ZNF621: variants seen among roughly 807,000 people sequenced by gnomAD.
ZNF621 encodes zinc finger protein 621.
In ZNF621, 6 loss-of-function variants were observed where a neutral mutation model predicts 12.7. That is an observed-to-expected ratio of 0.47 (90% CI 0.26 to 0.93). ZNF621 has a LOEUF of 0.93. Among genes scored for constraint, ZNF621 ranks in the 40% least tolerant of loss-of-function variants. ZNF621 has a pLI of 0.15. For synonymous variants in ZNF621, 156 were observed against 190.3 expected, an observed-to-expected ratio of 0.82 and a Z score of 1.48; for missense variants, 474 against 524.0, an observed-to-expected ratio of 0.90 and a Z score of 0.93.
chr3:40,528,108 C>G lies in ZNF621; in HGVS notation c.25-1211C>G, dbSNP rs541589087. On this transcript the variant is annotated intron_variant, in intron 2 of 4. Transcript: ENST00000339296. ...TTATATAAGCAGAATAGTTTCACTG[C>G]CCTAAAAATACCTTATGCTCCTCTT... Among the ~76,000 whole-genome samples, 274 of 152,302 alleles carry G rather than the reference C, an allele frequency of 1.8e-3. 1 individual carries two copies. Among genetic ancestry groups the G allele is most frequent in the African/African-American group, 6.4e-3 (264 of 41,550 alleles).
At chr3:40,531,271 A>T (rs10222477) in intron 4 of ZNF621, among the ~76,000 whole-genome samples, 12,266 of 152,236 alleles carry the variant, frequency 0.081, 582 homozygotes, top group East Asian at 0.22. Context: ...TCAGTCTGCA[A>T]GACCTCTTGT....
chr3:40,532,520 C>T lies in ZNF621; in HGVS notation c.750C>T (p.Tyr250=), dbSNP rs779293063. ...CGKAFRRSAA[Y]LQHQRLHTGE... ...AGGCTTTCCGTAGGAGTGCGGCATA[C>T]CTGCAGCATCAGAGATTACACACGG... The change falls in exon 5 of 5, where the codon TAC becomes TAT. Residue 250 remains tyrosine, a synonymous_variant. Transcript: ENST00000339296. 1 of 1,614,070 alleles carries T rather than the reference C, an allele frequency of 6.2e-7. No homozygotes were observed. The highest frequency in any genetic ancestry group is 1.1e-5 in the South Asian group (1 of 91,076).
At chr3:40,526,913 T>C (rs970910058) in intron 2 of ZNF621, among the ~76,000 whole-genome samples, 1 of 152,222 alleles carries the variant, frequency 6.6e-6, no homozygotes, top group Non-Finnish European at 1.5e-5. Flanking sequence ...TTGAGTGCAA[T>C]GGCGCTATCT....
At position 40,534,627 on chromosome 3, in the gene ZNF621, AT is replaced by A. The variant is rs1158718165; in HGVS notation, c.*1541del. On this transcript the variant is annotated 3_prime_UTR_variant, in exon 5 of 5. Transcript: ENST00000339296. ...AGTTTTCTCTCTTGCACAAATTCTGATTTTGGCTATCTGTGGTGATGGCCAG... is the reference window on the plus strand; with the variant it reads ...AGTTTTCTCTCTTGCACAAATTCTGATTTGGCTATCTGTGGTGATGGCCAG... The A allele has an allele frequency of 1.3e-5, 2 of 152,102 alleles. No individual in the cohort carries two copies. Among genetic ancestry groups the A allele is most frequent in the East Asian group, 3.9e-4 (2 of 5,188 alleles). 9.4% of individuals were successfully genotyped at this position (152,102 alleles called of 1,614,324 possible). A position where few individuals can be genotyped will look rare whatever the true frequency, so the allele number is the denominator to read the frequency against.
At chr3:40,527,260 G>T (rs112633718) in intron 2 of ZNF621, among the ~76,000 whole-genome samples, 1 of 151,732 alleles carries the variant, frequency 6.6e-6, no homozygotes, top group Non-Finnish European at 1.5e-5. Flanking sequence ...CAGGTGATCC[G>T]CCTGCCTCAG....
In ZNF621 at chr3:40,533,042, T is replaced by C. The variant is rs1374425885; in HGVS notation, c.1272T>C (p.Thr424=). Residue 424 remains threonine, a synonymous_variant, in exon 5 of 5, where the codon ACT becomes ACC. Transcript: ENST00000339296. ...IVRVFQGLTP[T]VKPSPVILTP... ...GTGTCTTCCAGGGTCTTACTCCCAC[T>C]GTGAAACCTTCCCCAGTTATTCTCA... The C allele has an allele frequency of 1.9e-6, 3 of 1,551,786 alleles. No individual in the cohort carries two copies. The highest frequency in any genetic ancestry group is 2.6e-6 in the Non-Finnish European group (3 of 1,147,004).
Position 40,536,327 on chromosome 3 carries a change from ACCCACCTCGGTCT to A in ZNF621, c.*3242_*3254del, listed in dbSNP as rs956375711. The A allele has an allele frequency of 1.3e-5, 2 of 152,088 alleles. No individual in the cohort carries two copies. Among genetic ancestry groups the A allele is most frequent in the Non-Finnish European group, 2.9e-5 (2 of 68,026 alleles). The allele number at this position is 152,088 out of a possible 1,614,324, so 9.4% of individuals were successfully genotyped here. A position where few individuals can be genotyped will look rare whatever the true frequency, so the allele number is the denominator to read the frequency against. ...AACTCCTGGCAGCCTCAAGTGATCC[ACCCACCTCGGTCT>A]CCCAAAGTGTTGGGATTACAGGCGT... On this transcript the variant is annotated 3_prime_UTR_variant, in exon 5 of 5. Coordinates refer to ENST00000339296, the MANE Select transcript of ZNF621 (RefSeq NM_198484.5).
At position 40,533,568 on chromosome 3, in the gene ZNF621, A is replaced by G. The variant is rs1698791839; in HGVS notation, c.*478A>G. The G allele has an allele frequency of 6.2e-6, 1 of 160,130 alleles. No homozygotes were observed. Among genetic ancestry groups the G allele is most frequent in the South Asian group, 1.7e-4 (1 of 5,860 alleles). The allele number at this position is 160,130 out of a possible 1,614,324, so 9.9% of individuals were successfully genotyped here. A position where few individuals can be genotyped will look rare whatever the true frequency, so the allele number is the denominator to read the frequency against. ...CGTGTTTACATAATCTCTTCTGGGT[A>G]GAAAATGGAAATACTTAACCTTTGC... On this transcript the variant is annotated 3_prime_UTR_variant, in exon 5 of 5. Coordinates refer to ENST00000339296, the MANE Select transcript of ZNF621 (RefSeq NM_198484.5).
At chr3:40,530,129 A>G in intron 3 of ZNF621, 80 bp from the exon 4 acceptor site, 1 of 1,194,786 alleles carries the variant, frequency 8.4e-7, no homozygotes, top group Non-Finnish European at 1.2e-6. Context: ...AAGTAGCCTG[A>G]TGGAGGGTGG....
In ZNF621 at chr3:40,535,301, C is replaced by G. The variant is rs536115130; in HGVS notation, c.*2211C>G. ...CAGTGTTTTAAGGTTCTGTCACACTCAGTAACCCACTTCTGGTTCCTCATT... is the reference window on the plus strand; with the variant it reads ...CAGTGTTTTAAGGTTCTGTCACACTGAGTAACCCACTTCTGGTTCCTCATT... On this transcript the variant is annotated 3_prime_UTR_variant, in exon 5 of 5. Coordinates refer to ENST00000339296, the MANE Select transcript of ZNF621 (RefSeq NM_198484.5). 163 of 152,384 alleles carry G rather than the reference C, an allele frequency of 1.1e-3. 1 individual carries two copies. The highest frequency in any genetic ancestry group is 3.8e-3 in the African/African-American group (160 of 41,592). The allele number at this position is 152,384 out of a possible 1,614,324, so 9.4% of individuals were successfully genotyped here. A position where few individuals can be genotyped will look rare whatever the true frequency, so the allele number is the denominator to read the frequency against.
At chr3:40,530,708 A>T (rs1433030511) in intron 4 of ZNF621, among the ~76,000 whole-genome samples, 1 of 152,186 alleles carries the variant, frequency 6.6e-6, no homozygotes, top group Non-Finnish European at 1.5e-5. Flanking sequence ...TATAGCTATA[A>T]ATTTTACTTT....
intron 1 of ZNF621, 148 bp from the exon 2 acceptor site, chr3:40,525,631 T>G: frequency 1.5e-6 from 1 of 672,878 alleles, no homozygotes; most frequent in Non-Finnish European, 2.6e-6. Context: ...ATAAGAAGTT[T>G]GGGGCTATCA....
rs763930730 is a variant in ZNF621, at chr3:40,532,349, T to C, written c.579T>C (p.Asp193=). Residue 193 remains aspartate (D), a synonymous_variant, in exon 5 of 5, where the codon GAT becomes GAC. Coordinates refer to ENST00000339296, the MANE Select transcript of ZNF621 (RefSeq NM_198484.5). ...ECGKAFKSSY[D]CIVHEKNHIG... is the part of the protein sequence containing the mutation. Reference sequence around the variant, plus strand: ...GCAAAGCTTTCAAGTCCAGCTATGATTGTATTGTACATGAGAAAAACCACA... The same window carrying C: ...GCAAAGCTTTCAAGTCCAGCTATGACTGTATTGTACATGAGAAAAACCACA... 6.2e-7 allele frequency: 1 copy of C among 1,611,556 alleles called. No homozygotes were observed. The highest frequency in any genetic ancestry group is 2.2e-5 in the East Asian group (1 of 44,790).
intron 4 of ZNF621, 73 bp downstream of exon 4, chr3:40,530,389 T>C: frequency 2.5e-6 from 3 of 1,188,960 alleles, no homozygotes; most frequent in Non-Finnish European, 3.7e-6. Flanking sequence ...GTGTTTCTTA[T>C]GCTGCAGGGT....
Position 40,525,838 on chromosome 3 carries a change from G to C in ZNF621, c.-3G>C, listed in dbSNP as rs768165637. 6.2e-7 allele frequency: 1 copy of C among 1,614,082 alleles called. No homozygotes were observed. The highest frequency in any genetic ancestry group is 8.5e-7 in the Non-Finnish European group (1 of 1,180,004). ...CAGTGCATGAAGCCAGGGGACATCCGCCATGCTCCAAACAACTTGGCCTCA... is the reference window on the plus strand; with the variant it reads ...CAGTGCATGAAGCCAGGGGACATCCCCCATGCTCCAAACAACTTGGCCTCA... On this transcript the variant is annotated 5_prime_UTR_variant, in exon 2 of 5. Coordinates refer to ENST00000339296, the MANE Select transcript of ZNF621 (RefSeq NM_198484.5).
chr3:40,529,024 T>TA (rs1698654870), intron 2 of ZNF621, among the ~76,000 whole-genome samples: 1 of 152,226 alleles, frequency 6.6e-6, no homozygotes, highest in South Asian at 2.1e-4. Context: ...CATTGTTTGC[T>TA]AGTTTTTCAC....
chr3:40,538,509 C>CAAA lies in ZNF621; in HGVS notation c.*5431_*5433dup, dbSNP rs796522089. 1.4e-5 allele frequency: 2 copies of CAAA among 138,074 alleles called. No homozygotes were observed. The highest frequency in any genetic ancestry group is 2.1e-4 in the South Asian group (1 of 4,668). The allele number at this position is 138,074 out of a possible 1,614,324, so 8.6% of individuals were successfully genotyped here. ...CCTGGGTAACAGAGTGAGACTGTCT[C>CAAA]AAAAAAAAAAAAAATTTAGTTCCAA... On this transcript the variant is annotated 3_prime_UTR_variant, in exon 5 of 5. Coordinates refer to ENST00000339296, the MANE Select transcript of ZNF621 (RefSeq NM_198484.5).
In ZNF621 at chr3:40,532,686, T is replaced by G. The variant is rs1230756805; in HGVS notation, c.916T>G (p.Ser306Ala). 1 of 1,614,062 alleles carries G rather than the reference T, an allele frequency of 6.2e-7. No individual in the cohort carries two copies. The highest frequency in any genetic ancestry group is 1.7e-5 in the Admixed American group (1 of 60,002). ...CGKAFTQKIA[S>A]IQHQRVHTGE... ...CAAAGCCTTCACCCAGAAAATAGCC[T>G]CCATTCAGCATCAGAGAGTTCACAC... is the stretch of plus-strand genomic sequence containing the variant. The change falls in exon 5 of 5, where the codon TCC (serine) becomes GCC (alanine). Residue 306 changes from serine (S) to alanine (A), a missense_variant. Ser to Ala is a moderately conservative substitution (Grantham distance 99, BLOSUM62 1). Coordinates refer to ENST00000339296, the MANE Select transcript of ZNF621 (RefSeq NM_198484.5).
chr3:40,532,475 T>C lies in ZNF621; in HGVS notation c.705T>C (p.Tyr235=), dbSNP rs369126187. Residue 235 remains tyrosine, a synonymous_variant, in exon 5 of 5, where the codon TAT becomes TAC. Coordinates refer to ENST00000339296, the MANE Select transcript of ZNF621 (RefSeq NM_198484.5). ...HQRIHTGEKP[Y]ECKECGKAFR... ...GGATCCACACTGGAGAGAAACCCTA[T>C]GAATGTAAAGAGTGTGGAAAGGCTT... The C allele has an allele frequency of 1.2e-6, 2 of 1,613,968 alleles. No individual in the cohort carries two copies. Among genetic ancestry groups the C allele is most frequent in the African/African-American group, 2.7e-5 (2 of 74,868 alleles).
Sources: allele counts gnomAD v4.1 joint callset (sites outside exome capture counted in the v4.1 genomes callset), GRCh38; gene constraint gnomAD v4.1.1; transcripts MANE v1.5; gene names NCBI Gene and HGNC (gene_info 2026-07-23, HGNC 2026-07-21).